The following OXR1 variants were observed in gnomAD, a reference collection of about 807,000 sequenced individuals.
OXR1 encodes oxidation resistance protein 1.
In OXR1, 41 loss-of-function variants were observed where a neutral mutation model predicts 104.6. That is an observed-to-expected ratio of 0.39 (90% confidence interval 0.31 to 0.51). The LOEUF is 0.51. Ranked by LOEUF, OXR1 falls within the 20% of genes least tolerant of loss-of-function variation. OXR1 has a pLI of 0.77. For synonymous variants in OXR1, 348 were observed against 348.4 expected (o/e 1.00, Z 0.01); for missense variants, 955 against 1,031.9 (o/e 0.93, Z 1.02).
chr8:106,339,510 AAAAAAAAAAATATATAT>A (rs1417201822), intron 1 of OXR1, among the ~76,000 whole-genome samples: 2,256 of 48,218 alleles, frequency 0.047, 127 homozygotes, highest in East Asian at 0.091. Flanking sequence ...AAAAAAAAAA[AAAAAAAAAAATATATAT>A]ATATATATAT....
At chr8:106,683,820 G>A (rs1209028506) in intron 5 of OXR1, among the ~76,000 whole-genome samples, 1 of 152,160 alleles carries the variant, frequency 6.6e-6, no homozygotes, top group Non-Finnish European at 1.5e-5. Flanking sequence ...CTTATTTAAA[G>A]CATTAGACTA....
At chr8:106,637,273 C>T (rs1459842879) in intron 3 of OXR1, among the ~76,000 whole-genome samples, 2 of 152,046 alleles carry the variant, frequency 1.3e-5, no homozygotes, top group African/African-American at 4.8e-5. Context: ...ACTGTAGGAG[C>T]ATGATGCTAT....
intron 3 of OXR1, among the ~76,000 whole-genome samples, chr8:106,557,159 A>G (rs145234589): frequency 3.8e-4 from 58 of 152,230 alleles, no homozygotes; most frequent in Non-Finnish European, 7.5e-4. Context: ...AGCCCTTCCA[A>G]TTAATTAAGA....
At chr8:106,395,100 C>T (rs549971235) in intron 2 of OXR1, among the ~76,000 whole-genome samples, 20 of 152,174 alleles carry the variant, frequency 1.3e-4, no homozygotes, top group East Asian at 9.7e-4. Context: ...CTGTGCATAG[C>T]GATACCTTCT....
intron 9 of OXR1, 181 bp downstream of exon 9, chr8:106,707,326 C>T (rs1322814876): frequency 1.5e-6 from 1 of 678,090 alleles, no homozygotes; most frequent in East Asian, 2.7e-5. Context: ...TTTTCTTATC[C>T]CACAGGTGGA....
chr8:106,645,714 T>A (rs1039382635), intron 3 of OXR1, among the ~76,000 whole-genome samples: 1 of 152,110 alleles, frequency 6.6e-6, no homozygotes, highest in African/African-American at 2.4e-5. Context: ...CCAGATTGTG[T>A]TTGGTATGGG....
At position 106,359,580 on chromosome 8, in the gene OXR1, G is replaced by A. The variant is rs1283987139; in HGVS notation, c.-34G>A. On this transcript the variant is annotated 5_prime_UTR_variant, in exon 2 of 17. Coordinates refer to ENST00000517566, the MANE Select transcript of OXR1 (RefSeq NM_001198533.2). ...CTTGACCTGCTAATTTCCTGTTCTG[G>A]AATCGAGAGAAGACTCCTCAACAAG... 2.6e-6 allele frequency: 4 copies of A among 1,538,376 alleles called. No homozygotes were observed. In the Admixed American group the frequency reaches 5.9e-5, roughly 23 times the overall value.
chr8:106,288,646 C>T (rs1391863557), intron 1 of OXR1, among the ~76,000 whole-genome samples: 2 of 146,574 alleles, frequency 1.4e-5, no homozygotes, highest in South Asian at 2.1e-4. Flanking sequence ...TTAATATATA[C>T]ACACACATAC....
At chr8:106,409,453 C>T (rs1221802039) in intron 2 of OXR1, among the ~76,000 whole-genome samples, 1 of 152,052 alleles carries the variant, frequency 6.6e-6, no homozygotes, top group Non-Finnish European at 1.5e-5. Context: ...AAACAAAAAA[C>T]AGGAAGGGAG....
intron 2 of OXR1, among the ~76,000 whole-genome samples, chr8:106,450,406 T>A (rs925383689): frequency 3.9e-5 from 6 of 152,216 alleles, no homozygotes; most frequent in African/African-American, 1.4e-4. Flanking sequence ...TTGGGTACAT[T>A]TAATATTAAA....
chr8:106,682,039 C>G (rs1244643149), intron 4 of OXR1, among the ~76,000 whole-genome samples: 1 of 152,142 alleles, frequency 6.6e-6, no homozygotes, highest in East Asian at 1.9e-4. Context: ...CCCAACCCTT[C>G]TTCAAGGCCC....
At chr8:106,275,529 T>A (rs868785756) in intron 1 of OXR1, among the ~76,000 whole-genome samples, 2 of 152,232 alleles carry the variant, frequency 1.3e-5, no homozygotes, top group Non-Finnish European at 2.9e-5. Context: ...TTGGGGGGAT[T>A]AATATAAAGA....
At chr8:106,344,886 G>A (rs1226537037) in intron 1 of OXR1, among the ~76,000 whole-genome samples, 1 of 151,888 alleles carries the variant, frequency 6.6e-6, no homozygotes, top group East Asian at 1.9e-4. Context: ...TTTGTGTCTT[G>A]ACAAATTCTA....
chr8:106,357,597 C>CT (rs555835946), intron 1 of OXR1, among the ~76,000 whole-genome samples: 181 of 151,844 alleles, frequency 1.2e-3, no homozygotes, highest in Non-Finnish European at 2.1e-3. Flanking sequence ...TATTTTTGTG[C>CT]TTTTTTAAAA....
chr8:106,740,293 A>G (rs777741049), intron 13 of OXR1, 50 bp from the exon 14 acceptor site: 4 of 1,467,114 alleles, frequency 2.7e-6, no homozygotes, highest in South Asian at 1.2e-5. Context: ...AGTATTCTAC[A>G]TAATGAACAA....
intron 2 of OXR1, among the ~76,000 whole-genome samples, chr8:106,367,148 G>A (rs538210509): frequency 4.7e-5 from 7 of 148,320 alleles, no homozygotes; most frequent in Non-Finnish European, 8.9e-5. Flanking sequence ...CTGCATCCTC[G>A]CCTCCCGGGT....
chr8:106,743,647 G>A (rs944344797), intron 15 of OXR1, among the ~76,000 whole-genome samples: 9 of 152,194 alleles, frequency 5.9e-5, no homozygotes, highest in East Asian at 1.9e-4. Context: ...TACCCTGTTG[G>A]TGGGAGTGTA....
At chr8:106,323,767 T>C (rs1033794627) in intron 1 of OXR1, among the ~76,000 whole-genome samples, 4 of 151,986 alleles carry the variant, frequency 2.6e-5, no homozygotes, top group Admixed American at 6.6e-5. Context: ...AAAAGCCCAA[T>C]ATCACTGACC....
chr8:106,348,011 T>G (rs1224663990), intron 1 of OXR1, among the ~76,000 whole-genome samples: 2 of 152,168 alleles, frequency 1.3e-5, no homozygotes, highest in Admixed American at 6.5e-5. Context: ...TTTTCCAAGT[T>G]TTGAATTAAA....
Sources: allele counts gnomAD v4.1 joint callset (sites outside exome capture counted in the v4.1 genomes callset), GRCh38; gene constraint gnomAD v4.1.1; transcripts MANE v1.5; gene names NCBI Gene and HGNC (gene_info 2026-07-23, HGNC 2026-07-21).